The following OPTC variants were observed in gnomAD, a reference collection of about 807,000 sequenced individuals.
The protein encoded by OPTC is opticin, also known as oculoglycan.
Under a neutral mutation model 25.4 loss-of-function variants are expected in OPTC, and 22 were observed. The ratio of observed to expected loss-of-function variants is 0.87; its 90% CI spans 0.62 to 1.24. The LOEUF (loss-of-function observed/expected upper bound fraction) is 1.24. Ranked by LOEUF, OPTC falls within the 50% of genes most tolerant of loss-of-function variation. The pLI, the probability that OPTC is intolerant of heterozygous loss-of-function variation, is 0.00. For synonymous variants in OPTC, 169 were observed against 179.3 expected (o/e 0.94, Z 0.46); for missense variants, 417 against 425.2 (o/e 0.98, Z 0.17).
At chr1:203,494,474 G>T (rs1661246851) in intron 1 of OPTC, among the ~76,000 whole-genome samples, 1 of 152,042 alleles carries the variant, frequency 6.6e-6, no homozygotes, top group Non-Finnish European at 1.5e-5. Flanking sequence ...CCCTTGCCCA[G>T]CTAAAATTAA....
intron 3 of OPTC, among the ~76,000 whole-genome samples, 181 bp downstream of exon 3, chr1:203,497,296 A>C (rs953643120): frequency 6.6e-6 from 1 of 152,166 alleles, no homozygotes; most frequent in Non-Finnish European, 1.5e-5. Flanking sequence ...AAAGAAATCA[A>C]AGACTGGCAC....
chr1:203,502,480 G>A (rs1475938032), intron 5 of OPTC, among the ~76,000 whole-genome samples: 1 of 152,162 alleles, frequency 6.6e-6, no homozygotes, highest in East Asian at 1.9e-4. Context: ...ACATTGATTG[G>A]GAGGTCTTGT....
At chr1:203,498,864 G>A (rs1380397953) in intron 4 of OPTC, 25 bp downstream of exon 4, 5 of 1,613,084 alleles carry the variant, frequency 3.1e-6, no homozygotes, top group Non-Finnish European at 4.2e-6. Context: ...GGGAAAAGAG[G>A]AGTGGGGGCA....
intron 1 of OPTC, among the ~76,000 whole-genome samples, chr1:203,495,597 A>G (rs1661264363): frequency 6.6e-6 from 1 of 152,238 alleles, no homozygotes; most frequent in Non-Finnish European, 1.5e-5. Context: ...ACTAGCAGTC[A>G]TGTTCTGAGC....
chr1:203,495,986 T>C lies in OPTC; in HGVS notation c.-20T>C. The stretch of plus-strand genomic sequence containing the variant: ...CCAGGACCAGCCGCTGAAGGGATTC[T>C]CAGTCCCATCTGACTCCCCATGAGG... On this transcript the variant is annotated 5_prime_UTR_variant, in exon 2 of 8. Coordinates refer to ENST00000367222, the MANE Select transcript of OPTC (RefSeq NM_014359.4). 1 of 1,571,860 alleles carries C rather than the reference T, an allele frequency of 6.4e-7. No individual in the cohort carries two copies. Among genetic ancestry groups the C allele is most frequent in the Non-Finnish European group, 8.7e-7 (1 of 1,147,432 alleles).
Position 203,496,005 on chromosome 1 carries a change from C to T in OPTC, c.-1C>T. 6.2e-7 allele frequency: 1 copy of T among 1,608,954 alleles called. No individual in the cohort carries two copies. Among genetic ancestry groups the T allele is most frequent in the Non-Finnish European group, 8.5e-7 (1 of 1,177,064 alleles). On this transcript the variant is annotated 5_prime_UTR_variant, in exon 2 of 8. Coordinates refer to ENST00000367222, the MANE Select transcript of OPTC (RefSeq NM_014359.4). ...GGATTCTCAGTCCCATCTGACTCCC[C>T]ATGAGGCTCCTGGCTTTCCTGAGTC...
intron 7 of OPTC, among the ~76,000 whole-genome samples, chr1:203,507,839 G>A (rs978565967): frequency 6.6e-6 from 1 of 152,190 alleles, no homozygotes; most frequent in Non-Finnish European, 1.5e-5. Flanking sequence ...AGAGGCTGGA[G>A]CTAAGTCTGT....
chr1:203,502,404 C>G lies in OPTC; in HGVS notation c.733-510C>G, dbSNP rs758538101. 1.6e-4 allele frequency among the ~76,000 whole-genome samples: 25 copies of G among 152,280 alleles called. 1 individual carries two copies. Among genetic ancestry groups the G allele is most frequent in the Admixed American group, 9.2e-4 (14 of 15,296 alleles). On this transcript the variant is annotated intron_variant, in intron 5 of 7. Coordinates refer to ENST00000367222, the MANE Select transcript of OPTC (RefSeq NM_014359.4). ...GGAAGTTAGATACCAGGGAGCAGGT[C>G]ATGCCAGTGAGAGGCATGAGGCTTA... is the stretch of plus-strand genomic sequence containing the variant.
chr1:203,499,038 C>T (rs1661324666), intron 4 of OPTC, among the ~76,000 whole-genome samples, 199 bp downstream of exon 4: 2 of 152,182 alleles, frequency 1.3e-5, no homozygotes, highest in Non-Finnish European at 2.9e-5. Context: ...TGGAAGGGAC[C>T]TGTTTTTATT....
chr1:203,503,885 C>A, intron 7 of OPTC, 140 bp downstream of exon 7: 1 of 738,820 alleles, frequency 1.4e-6, no homozygotes, highest in Non-Finnish European at 2.3e-6. Flanking sequence ...CACACGCATG[C>A]ATACACACAC....
intron 6 of OPTC, 34 bp downstream of exon 6, chr1:203,503,043 C>T: frequency 6.5e-7 from 1 of 1,540,012 alleles, no homozygotes; most frequent in Non-Finnish European, 9.0e-7. Flanking sequence ...GGGTGATAAA[C>T]AGCGTGGAGG....
intron 7 of OPTC, among the ~76,000 whole-genome samples, chr1:203,505,976 T>C (rs929122607): frequency 3.3e-5 from 5 of 151,102 alleles, no homozygotes; most frequent in African/African-American, 4.9e-5. Context: ...GTGTGTTTTC[T>C]GTCTCTCTCT....
chr1:203,501,888 C>G (rs1290679405), intron 5 of OPTC, among the ~76,000 whole-genome samples: 4 of 152,180 alleles, frequency 2.6e-5, no homozygotes, highest in Admixed American at 2.6e-4. Context: ...TGCTCAGCCT[C>G]AGCAACATGC....
At chr1:203,505,787 C>T (rs941250349) in intron 7 of OPTC, among the ~76,000 whole-genome samples, 5 of 152,148 alleles carry the variant, frequency 3.3e-5, no homozygotes, top group Non-Finnish European at 5.9e-5. Context: ...TCCAGCGCAC[C>T]TGGCCCCAGG....
chr1:203,501,714 TCTC>T (rs1349023564), intron 5 of OPTC, among the ~76,000 whole-genome samples: 1 of 152,128 alleles, frequency 6.6e-6, no homozygotes, highest in Non-Finnish European at 1.5e-5. Flanking sequence ...CTCTCAGCCT[TCTC>T]CTGTCTGCAG....
intron 7 of OPTC, 88 bp downstream of exon 7, chr1:203,503,833 C>A: frequency 8.8e-7 from 1 of 1,136,638 alleles, no homozygotes; most frequent in Non-Finnish European, 1.3e-6. Context: ...TTAGCCCAGG[C>A]ATTAATCAAC....
At chr1:203,499,500 C>T in intron 4 of OPTC, 149 bp from the exon 5 acceptor site, 1 of 772,526 alleles carries the variant, frequency 1.3e-6, no homozygotes, top group Non-Finnish European at 2.3e-6. Flanking sequence ...ATGTTATTTC[C>T]TCTGGTTTGG....
At position 203,506,145 on chromosome 1, in the gene OPTC, CT is replaced by C. The variant is rs78639556; in HGVS notation, c.*25+2406del. ...ATCCTGGATTGAGGAATCCAATTTT[CT>C]TTTTTCTTTTTTTTTTTTTTTTGAG... On this transcript the variant is annotated intron_variant, in intron 7 of 7. Transcript: ENST00000367222. Among the ~76,000 whole-genome samples, 74 of 89,474 alleles carry C rather than the reference CT, an allele frequency of 8.3e-4. 1 individual carries two copies. The highest frequency in any genetic ancestry group is 1.2e-3 in the East Asian group (4 of 3,454). The allele number at this position is 89,474 out of a possible 152,430, so 58.7% of individuals were successfully genotyped here.
intron 7 of OPTC, among the ~76,000 whole-genome samples, chr1:203,506,518 G>C (rs555270141): frequency 1.3e-4 from 20 of 151,888 alleles, no homozygotes; most frequent in Non-Finnish European, 1.2e-4. Flanking sequence ...GGGCTTTTGG[G>C]TACTGGAAGC....
Sources: gnomAD v4.1 joint callset for allele counts (sites outside exome capture counted in the v4.1 genomes callset) on GRCh38, gnomAD v4.1.1 for gene constraint, MANE v1.5 for transcripts, NCBI Gene and HGNC (gene_info 2026-07-23, HGNC 2026-07-21) for gene names.